Variants in RPS6KC1 observed in about 807,000 individuals in gnomAD.
RPS6KC1 encodes the protein ribosomal protein S6 kinase C1.
RPS6KC1 carries 54 observed loss-of-function variants against 103.8 expected under a neutral mutation model. That is an observed-to-expected ratio of 0.52 (90% confidence interval 0.42 to 0.65). RPS6KC1 has a LOEUF of 0.65. Among genes scored for constraint, RPS6KC1 ranks in the 30% least tolerant of loss-of-function variants. The probability of loss-of-function intolerance (pLI) is 0.00; values close to 1 mark genes in which losing one functional copy is unlikely to be tolerated. For synonymous variants in RPS6KC1, 439 were observed against 438.7 expected, an observed-to-expected ratio of 1.00 and a Z score of -0.01; for missense variants, 1,151 against 1,253.8, an observed-to-expected ratio of 0.92 and a Z score of 1.24.
chr1:213,211,223 G>T (rs1366549770), intron 8 of RPS6KC1, among the ~76,000 whole-genome samples: 2 of 152,218 alleles, frequency 1.3e-5, no homozygotes, highest in Admixed American at 6.5e-5. Context: ...TAGAAAAATA[G>T]AATACATGTA....
the RPS6KC1 span, among the ~76,000 whole-genome samples, chr1:213,369,862 G>A: frequency 6.6e-6 from 1 of 152,194 alleles, no homozygotes; most frequent in Non-Finnish European, 1.5e-5. Flanking sequence ...GAGGGCCTGG[G>A]TTCGGGGGAA....
chr1:213,680,798 G>C, the RPS6KC1 span, among the ~76,000 whole-genome samples: 2 of 152,048 alleles, frequency 1.3e-5, no homozygotes, highest in Non-Finnish European at 2.9e-5. Flanking sequence ...GTGAGGCCCT[G>C]ATCTGCATGG....
At chr1:213,404,608 AC>A in the RPS6KC1 span, among the ~76,000 whole-genome samples, 5,360 of 152,184 alleles carry the variant, frequency 0.035, 315 homozygotes, top group African/African-American at 0.12. Context: ...GGATGCCATG[AC>A]CTGCCACACC....
intron 8 of RPS6KC1, among the ~76,000 whole-genome samples, chr1:213,179,736 T>A (rs1029755189): frequency 1.3e-5 from 2 of 152,130 alleles, no homozygotes; most frequent in Non-Finnish European, 2.9e-5. Context: ...TTCACAAACT[T>A]TTATGTAGAA....
the RPS6KC1 span, among the ~76,000 whole-genome samples, chr1:213,433,583 C>T: frequency 1.3e-5 from 2 of 152,176 alleles, no homozygotes; most frequent in African/African-American, 4.8e-5. Context: ...TAACATTTTA[C>T]GTTGCCATTA....
chr1:213,748,224 A>G, the RPS6KC1 span, among the ~76,000 whole-genome samples: 1 of 152,172 alleles, frequency 6.6e-6, no homozygotes. Context: ...CCAGACTTCA[A>G]TCTCACCTTT....
At chr1:213,344,474 T>A in the RPS6KC1 span, among the ~76,000 whole-genome samples, 4 of 152,174 alleles carry the variant, frequency 2.6e-5, no homozygotes. Flanking sequence ...AGTAATTCTA[T>A]GTACAACTTT....
In RPS6KC1 at chr1:213,114,396, A is replaced by C. The variant is rs867885857; in HGVS notation, c.379-2921A>C. Among the ~76,000 whole-genome samples, 617 of 121,246 alleles carry C rather than the reference A, an allele frequency of 5.1e-3. 10 individuals carry two copies. Among genetic ancestry groups the C allele is most frequent in the African/African-American group, 0.021 (580 of 27,740 alleles). 79.5% of individuals were successfully genotyped at this position (121,246 alleles called of 152,430 possible). The stretch of plus-strand genomic sequence containing the variant: ...GTATAAGAATGCTTGTGATTTTTGC[A>C]CATTGATTTTGTATCCTGAGACTTT... On this transcript the variant is annotated intron_variant, in intron 4 of 14. Coordinates refer to ENST00000366960, the MANE Select transcript of RPS6KC1 (RefSeq NM_012424.6).
At chr1:213,515,463 C>G in the RPS6KC1 span, among the ~76,000 whole-genome samples, 1 of 152,142 alleles carries the variant, frequency 6.6e-6, no homozygotes, top group Non-Finnish European at 1.5e-5. Context: ...GCCAGTTTTC[C>G]CAGCACCATT....
chr1:213,107,271 C>T (rs999084747), intron 4 of RPS6KC1, among the ~76,000 whole-genome samples: 8 of 152,092 alleles, frequency 5.3e-5, no homozygotes, highest in Admixed American at 6.6e-5. Flanking sequence ...TTTCCATTAC[C>T]GCACCTCTGT....
chr1:213,590,268 TA>T, the RPS6KC1 span, among the ~76,000 whole-genome samples: 1 of 152,090 alleles, frequency 6.6e-6, no homozygotes, highest in Non-Finnish European at 1.5e-5. Flanking sequence ...GAAAGGTGAC[TA>T]AAAGTAGGCC....
chr1:213,124,820 A>G (rs191048567), intron 5 of RPS6KC1, among the ~76,000 whole-genome samples: 180 of 152,198 alleles, frequency 1.2e-3, no homozygotes, highest in African/African-American at 3.2e-3. Context: ...TCGAGGAGAT[A>G]TGGTAGGGTT....
In RPS6KC1 at chr1:213,171,711, T is replaced by G. The variant is rs190789743; in HGVS notation, c.951+3738T>G. Among the ~76,000 whole-genome samples, 42 of 152,364 alleles carry G rather than the reference T, an allele frequency of 2.8e-4. 2 individuals carry two copies. The highest frequency in any genetic ancestry group is 1.2e-3 in the Admixed American group (19 of 15,310). On this transcript the variant is annotated intron_variant, in intron 7 of 14. Coordinates refer to ENST00000366960, the MANE Select transcript of RPS6KC1 (RefSeq NM_012424.6). ...TACTTGTATTATTAATTGATATTAT[T>G]CCATTATTCCTTAGAAAATATTTTA...
chr1:213,356,039 C>T, the RPS6KC1 span, among the ~76,000 whole-genome samples: 1 of 152,152 alleles, frequency 6.6e-6, no homozygotes, highest in Admixed American at 6.5e-5. Flanking sequence ...ATATTCAATA[C>T]AGGTCAGTCT....
the RPS6KC1 span, among the ~76,000 whole-genome samples, chr1:213,363,596 T>C: frequency 0.047 from 3,576 of 75,792 alleles, 392 homozygotes; most frequent in African/African-American, 0.1. Flanking sequence ...CTTTAGCCCT[T>C]GCTCGCTCGC....
the RPS6KC1 span, among the ~76,000 whole-genome samples, chr1:213,287,627 T>C: frequency 2.0e-5 from 3 of 152,254 alleles, no homozygotes; most frequent in African/African-American, 7.2e-5. Flanking sequence ...TCAAGAACTT[T>C]ATGGCAATGC....
At chr1:213,773,540 T>C in the RPS6KC1 span, among the ~76,000 whole-genome samples, 4 of 148,932 alleles carry the variant, frequency 2.7e-5, no homozygotes, top group Non-Finnish European at 5.9e-5. Flanking sequence ...TGTATAGATA[T>C]ATATATCTCT....
downstream of RPS6KC1, among the ~76,000 whole-genome samples, chr1:213,277,154 A>C (rs1016522895): frequency 6.6e-6 from 1 of 152,234 alleles, no homozygotes; most frequent in South Asian, 2.1e-4. Flanking sequence ...GAAGTCAGCT[A>C]TTTCTAAATA....
chr1:213,686,416 G>C, the RPS6KC1 span, among the ~76,000 whole-genome samples: 2 of 152,144 alleles, frequency 1.3e-5, no homozygotes, highest in Admixed American at 1.3e-4. Context: ...CATCGACCCA[G>C]GTGAACTTCA....
Sources: gnomAD v4.1 joint callset for allele counts (sites outside exome capture counted in the v4.1 genomes callset) on GRCh38, gnomAD v4.1.1 for gene constraint, MANE v1.5 for transcripts, NCBI Gene and HGNC (gene_info 2026-07-23, HGNC 2026-07-21) for gene names.